Variants in UMAD1 observed in about 807,000 individuals in gnomAD.
The protein encoded by UMAD1 is UBAP1-MVB12-associated (UMA) domain containing 1.
Under a neutral mutation model 6.1 loss-of-function variants are expected in UMAD1, and 8 were observed. The ratio of observed to expected loss-of-function variants is 1.30; its 90% CI spans 0.76 to 2.35. UMAD1 has a LOEUF of 2.35. Ranked by LOEUF, UMAD1 falls within the 30% of genes most tolerant of loss-of-function variation. UMAD1 has a pLI of 0.00. For missense variants in UMAD1, 130 were observed against 78.4 expected (o/e 1.66, Z -2.49); for synonymous variants, 56 against 31.4 (o/e 1.78, Z -2.61).
intron 2 of UMAD1, among the ~76,000 whole-genome samples, chr7:7,775,871 A>G (rs1422604755): frequency 2.0e-5 from 3 of 152,226 alleles, no homozygotes; most frequent in Non-Finnish European, 4.4e-5. Flanking sequence ...ATGTGAACCT[A>G]TAGTAATGGA....
intron 2 of UMAD1, among the ~76,000 whole-genome samples, chr7:7,682,291 T>C (rs936728943): frequency 1.3e-5 from 2 of 152,184 alleles, no homozygotes; most frequent in African/African-American, 4.8e-5. Flanking sequence ...CATTGAAATA[T>C]GTAATTTAGT....
intron 2 of UMAD1, among the ~76,000 whole-genome samples, chr7:7,704,702 G>C (rs1174554904): frequency 6.9e-6 from 1 of 145,754 alleles, no homozygotes; most frequent in East Asian, 2.0e-4. Flanking sequence ...AGGGGGTGGA[G>C]GTTGCAGTGA....
chr7:7,815,463 A>G (rs1478484221), intron 3 of UMAD1, among the ~76,000 whole-genome samples: 1 of 152,184 alleles, frequency 6.6e-6, no homozygotes, highest in East Asian at 1.9e-4. Flanking sequence ...AGTAAAAGGC[A>G]GGGGTTTAAT....
At chr7:7,652,803 A>C (rs752916166) in intron 1 of UMAD1, among the ~76,000 whole-genome samples, 2 of 152,242 alleles carry the variant, frequency 1.3e-5, no homozygotes, top group African/African-American at 4.8e-5. Flanking sequence ...GGAAGTAGTA[A>C]GCCTTCTGAT....
chr7:7,734,739 C>A (rs1019169196), intron 2 of UMAD1, among the ~76,000 whole-genome samples: 2 of 152,074 alleles, frequency 1.3e-5, no homozygotes, highest in African/African-American at 4.8e-5. Context: ...AAATAGTTAC[C>A]TATCATTTCC....
At chr7:7,877,186 A>C (rs73043329) in intron 3 of UMAD1, 95 bp from the exon 4 acceptor site, 1 of 635,614 alleles carries the variant, frequency 1.6e-6, no homozygotes, top group South Asian at 1.8e-5. Flanking sequence ...TATAGCCCAC[A>C]TTGCTCAATC....
intron 2 of UMAD1, among the ~76,000 whole-genome samples, chr7:7,774,166 C>G (rs1782155798): frequency 6.6e-6 from 1 of 152,182 alleles, no homozygotes; most frequent in South Asian, 2.1e-4. Context: ...AGATGCTACT[C>G]TGACTTCTCG....
At chr7:7,773,441 T>G (rs1782140301) in intron 2 of UMAD1, among the ~76,000 whole-genome samples, 1 of 152,212 alleles carries the variant, frequency 6.6e-6, no homozygotes, top group Non-Finnish European at 1.5e-5. Context: ...CAATTTACTT[T>G]GAAGAGCATA....
chr7:7,676,627 T>G (rs538276858), intron 2 of UMAD1, among the ~76,000 whole-genome samples: 1 of 152,332 alleles, frequency 6.6e-6, no homozygotes, highest in South Asian at 2.1e-4. Context: ...GGTTGGTGGT[T>G]GTAATACTGT....
intron 2 of UMAD1, among the ~76,000 whole-genome samples, chr7:7,734,269 G>A (rs74530664): frequency 0.082 from 12,464 of 152,086 alleles, 563 homozygotes; most frequent in African/African-American, 0.13. Flanking sequence ...GGTCAAATTA[G>A]ACTGTTATAT....
At chr7:7,711,944 G>A (rs1043758062) in intron 2 of UMAD1, among the ~76,000 whole-genome samples, 31 of 151,998 alleles carry the variant, frequency 2.0e-4, no homozygotes, top group African/African-American at 6.5e-4. Context: ...GTGGTATAGC[G>A]ATCCGATTTT....
intron 3 of UMAD1, among the ~76,000 whole-genome samples, chr7:7,869,434 T>C (rs927973947): frequency 6.6e-6 from 1 of 152,230 alleles, no homozygotes; most frequent in South Asian, 2.1e-4. Context: ...GAAATATGCT[T>C]GATACAGCTA....
chr7:7,868,441 A>G (rs1784274736), intron 3 of UMAD1: 1 of 152,156 alleles, frequency 6.6e-6, no homozygotes, highest in Non-Finnish European at 1.5e-5. Context: ...CTGCACTTGT[A>G]TGTACGTTCA....
chr7:7,681,655 T>G (rs1779915681), intron 2 of UMAD1, among the ~76,000 whole-genome samples: 1 of 152,108 alleles, frequency 6.6e-6, no homozygotes, highest in African/African-American at 2.4e-5. Context: ...AAAAACAAAT[T>G]GCAGTTTTCA....
intron 3 of UMAD1, among the ~76,000 whole-genome samples, chr7:7,826,236 G>A (rs1436087801): frequency 6.6e-6 from 1 of 152,104 alleles, no homozygotes; most frequent in Non-Finnish European, 1.5e-5. Context: ...ATCTAGAAAT[G>A]TCTCACGTTA....
chr7:7,794,447 A>G (rs1407796484), intron 2 of UMAD1, among the ~76,000 whole-genome samples: 5 of 152,234 alleles, frequency 3.3e-5, no homozygotes, highest in Admixed American at 6.5e-5. Context: ...TGTGTAAACC[A>G]AAAGTAAGAT....
chr7:7,693,106 A>C (rs1780214499), intron 2 of UMAD1, among the ~76,000 whole-genome samples: 1 of 152,124 alleles, frequency 6.6e-6, no homozygotes, highest in Non-Finnish European at 1.5e-5. Flanking sequence ...TATAACTCCA[A>C]AGTCAAAAGG....
intron 3 of UMAD1, among the ~76,000 whole-genome samples, chr7:7,852,404 A>G (rs1783934131): frequency 2.0e-5 from 3 of 152,170 alleles, no homozygotes; most frequent in Non-Finnish European, 2.9e-5. Flanking sequence ...CAGATCCCAC[A>G]GATTGTGGGC....
intron 3 of UMAD1, among the ~76,000 whole-genome samples, chr7:7,815,774 G>A (rs912637726): frequency 7.2e-5 from 11 of 152,150 alleles, no homozygotes; most frequent in Non-Finnish European, 1.3e-4. Context: ...CTTTAGCTTG[G>A]TACTTTGCTA....
Sources: gnomAD v4.1 joint callset for allele counts (sites outside exome capture counted in the v4.1 genomes callset) on GRCh38, gnomAD v4.1.1 for gene constraint, MANE v1.5 for transcripts, NCBI Gene and HGNC (gene_info 2026-07-23, HGNC 2026-07-21) for gene names.